The following MAP3K20 variants were observed in gnomAD, a reference collection of about 807,000 sequenced individuals.
MAP3K20 encodes the protein HCCS-4.
MAP3K20 carries 40 observed loss-of-function variants against 85.7 expected under a neutral mutation model. The observed-to-expected ratio is 0.47, with a 90% CI of 0.36 to 0.61. The LOEUF is 0.61. Among genes scored for constraint, MAP3K20 ranks in the 20% least tolerant of loss-of-function variants. The pLI is 0.00. For synonymous variants in MAP3K20, 325 were observed against 327.7 expected, an observed-to-expected ratio of 0.99 and a Z score of 0.09; for missense variants, 817 against 961.7, an observed-to-expected ratio of 0.85 and a Z score of 1.99.
At chr2:173,239,049 C>T (rs1483349121) in intron 15 of MAP3K20, among the ~76,000 whole-genome samples, 1 of 152,172 alleles carries the variant, frequency 6.6e-6, no homozygotes, top group Non-Finnish European at 1.5e-5. Flanking sequence ...TTGGGAATAG[C>T]TTGTAAATGC....
chr2:173,182,803 C>T, intron 3 of MAP3K20, 51 bp from the exon 4 acceptor site: 1 of 1,265,618 alleles, frequency 7.9e-7, no homozygotes. Flanking sequence ...AGTCTTATTT[C>T]TGAAATGTAT....
Position 173,266,442 on chromosome 2 carries a change from AAG to A in MAP3K20, c.2098_2099del (p.Gln701AlafsTer28). ...TTCTCCTAGAGGAAGATACAGTGGAAAGAGTCAGCATTCCACTCCTTCAAGAG... is the reference window on the plus strand; with the variant it reads ...TTCTCCTAGAGGAAGATACAGTGGAAAGTCAGCATTCCACTCCTTCAAGAG... ...NSSPRGRYSG[K>X]SQHSTPSRGR... On this transcript the variant is annotated frameshift_variant, in exon 20 of 20. Coordinates refer to ENST00000375213, the MANE Select transcript of MAP3K20 (RefSeq NM_016653.3). LOFTEE classifies it low-confidence loss of function (END_TRUNC). 6.2e-7 allele frequency: 1 copy of A among 1,614,178 alleles called. No individual in the cohort carries two copies. The highest frequency in any genetic ancestry group is 8.5e-7 in the Non-Finnish European group (1 of 1,180,010).
chr2:173,080,686 A>G (rs1686989322), intron 1 of MAP3K20, among the ~76,000 whole-genome samples: 1 of 152,220 alleles, frequency 6.6e-6, no homozygotes, highest in South Asian at 2.1e-4. Flanking sequence ...CATTCCTACC[A>G]TAGCACTCAG....
intron 2 of MAP3K20, among the ~76,000 whole-genome samples, chr2:173,149,572 T>A (rs1271818458): frequency 6.6e-6 from 1 of 152,002 alleles, no homozygotes; most frequent in African/African-American, 2.4e-5. Context: ...TTCCCCAGAT[T>A]TGTACTGTTT....
chr2:173,188,642 G>A (rs775613656), intron 5 of MAP3K20, among the ~76,000 whole-genome samples: 1 of 151,854 alleles, frequency 6.6e-6, no homozygotes, highest in African/African-American at 2.4e-5. Context: ...GGATGGGGGC[G>A]GGGAGGGAAG....
intron 2 of MAP3K20, among the ~76,000 whole-genome samples, chr2:173,145,418 C>A (rs1013631176): frequency 2.1e-4 from 32 of 152,138 alleles, no homozygotes; most frequent in African/African-American, 7.2e-4. Flanking sequence ...AGAACTCCTG[C>A]AAGTCAATAT....
At chr2:173,180,216 T>C (rs1385752158) in intron 3 of MAP3K20, among the ~76,000 whole-genome samples, 1 of 152,196 alleles carries the variant, frequency 6.6e-6, no homozygotes, top group Non-Finnish European at 1.5e-5. Context: ...TCAAAACTTA[T>C]AAATCTGTAG....
intron 3 of MAP3K20, among the ~76,000 whole-genome samples, chr2:173,181,596 G>A (rs1191693941): frequency 1.3e-5 from 2 of 152,110 alleles, no homozygotes; most frequent in African/African-American, 4.8e-5. Context: ...ATGTTCATAG[G>A]AGCATTATTC....
At chr2:173,263,070 A>G (rs1224292350) in intron 18 of MAP3K20, among the ~76,000 whole-genome samples, 1 of 152,138 alleles carries the variant, frequency 6.6e-6, no homozygotes, top group Non-Finnish European at 1.5e-5. Flanking sequence ...CCCTAACCAT[A>G]TTGAATCCTG....
chr2:173,266,628 A>G lies in MAP3K20; in HGVS notation c.2281A>G (p.Ser761Gly). Residue 761 changes from serine to glycine, a missense_variant, in exon 20 of 20, where the codon AGC (serine) becomes GGC (glycine). By Grantham distance (56) the Ser-to-Gly change is moderately conservative. Around this residue, in one of 4 missense-constraint regions of MAP3K20, gnomAD observed 454 missense variants for 476.9 expected, o/e 0.95. Coordinates refer to ENST00000375213, the MANE Select transcript of MAP3K20 (RefSeq NM_016653.3). ...TGACTCAAGAGCCAGTGAAGAGGAC[A>G]GCAAAGTCAGCGAAGGGGGCTGGAC... ...ETDSRASEED[S>G]KVSEGGWTKV... The G allele has an allele frequency of 6.2e-7, 1 of 1,613,946 alleles. No individual in the cohort carries two copies. The highest frequency in any genetic ancestry group is 8.5e-7 in the Non-Finnish European group (1 of 1,179,976).
intron 3 of MAP3K20, among the ~76,000 whole-genome samples, chr2:173,172,541 G>A (rs1184539462): frequency 2.6e-5 from 4 of 152,054 alleles, no homozygotes; most frequent in Admixed American, 2.0e-4. Context: ...TGTGAATGAA[G>A]GGACTACAAT....
chr2:173,157,166 G>T (rs1224000006), intron 2 of MAP3K20, among the ~76,000 whole-genome samples: 1 of 152,178 alleles, frequency 6.6e-6, no homozygotes, highest in Non-Finnish European at 1.5e-5. Flanking sequence ...GCCATTAGGG[G>T]AGAAGTGATC....
At chr2:173,083,236 T>G (rs886434094) in intron 1 of MAP3K20, among the ~76,000 whole-genome samples, 1 of 152,334 alleles carries the variant, frequency 6.6e-6, no homozygotes, top group African/African-American at 2.4e-5. Flanking sequence ...CCCAACCTAC[T>G]CTGTATAAGA....
At chr2:173,224,325 G>A in intron 11 of MAP3K20, 1 of 985,332 alleles carries the variant, frequency 1.0e-6, no homozygotes. Context: ...ATTTAAGAAT[G>A]ATCAGCAATA....
Position 173,232,336 on chromosome 2 carries a change from G to A in MAP3K20, c.1080G>A (p.Glu360=), listed in dbSNP as rs1249485783. Residue 360 remains glutamate, a synonymous_variant, in exon 14 of 20, where the codon GAG becomes GAA. Transcript: ENST00000375213. ...QLVRKGDSSA[E]MSVYASLFKE... is the part of the protein sequence containing the mutation. ...TTCCTTCAGGTGACTCTTCAGCAGAGATGAGTGTATATGCAAGCTTGTTTA... is the reference window on the plus strand; with the variant it reads ...TTCCTTCAGGTGACTCTTCAGCAGAAATGAGTGTATATGCAAGCTTGTTTA... The A allele has an allele frequency of 1.2e-6, 2 of 1,614,222 alleles. No homozygotes were observed. Among genetic ancestry groups the A allele is most frequent in the Admixed American group, 3.3e-5 (2 of 60,032 alleles).
rs145173291 is a variant in MAP3K20, at chr2:173,250,934, A to G, written c.1360-7765A>G. 5.1e-3 allele frequency among the ~76,000 whole-genome samples: 777 copies of G among 152,268 alleles called. 8 individuals carry two copies. Among genetic ancestry groups the G allele is most frequent in the Non-Finnish European group, 6.9e-3 (472 of 68,010 alleles). ...TCTTTTTTTAAAGGCAGCATAATAAAATATAGTGTAGCAGGGTTATACTTA... is the reference window on the plus strand; with the variant it reads ...TCTTTTTTTAAAGGCAGCATAATAAGATATAGTGTAGCAGGGTTATACTTA... On this transcript the variant is annotated intron_variant, in intron 16 of 19. Coordinates refer to ENST00000375213, the MANE Select transcript of MAP3K20 (RefSeq NM_016653.3).
At chr2:173,115,922 G>A (rs552456892) in intron 2 of MAP3K20, among the ~76,000 whole-genome samples, 4 of 152,084 alleles carry the variant, frequency 2.6e-5, no homozygotes, top group South Asian at 4.2e-4. Flanking sequence ...CAGAAACATG[G>A]CTGGGAGGTG....
intron 2 of MAP3K20, among the ~76,000 whole-genome samples, chr2:173,132,621 G>T (rs1202326353): frequency 6.6e-6 from 1 of 152,100 alleles, no homozygotes; most frequent in Non-Finnish European, 1.5e-5. Flanking sequence ...GTTGCTTTTT[G>T]TAAGCTTTTC....
intron 10 of MAP3K20, among the ~76,000 whole-genome samples, chr2:173,215,107 T>C (rs1299303969): frequency 6.6e-6 from 1 of 152,240 alleles, no homozygotes; most frequent in African/African-American, 2.4e-5. Flanking sequence ...GAACTTGAGA[T>C]GCATCTTTGG....
Sources: gnomAD v4.1 joint callset for allele counts (sites outside exome capture counted in the v4.1 genomes callset) on GRCh38, gnomAD v4.1.1 for gene constraint, gnomAD v4.1.1 regional missense constraint, MANE v1.5 for transcripts, NCBI Gene and HGNC (gene_info 2026-07-23, HGNC 2026-07-21) for gene names.